Variants in POM121 observed in about 807,000 individuals in gnomAD.
POM121 encodes POM121 transmembrane nucleoporin, also known as nuclear envelope pore membrane protein POM 121.
Under a neutral mutation model 81.3 loss-of-function variants are expected in POM121, and 32 were observed. The observed-to-expected ratio is 0.39, with a 90% CI of 0.30 to 0.53. The LOEUF (loss-of-function observed/expected upper bound fraction) is 0.53. Ranked by LOEUF, POM121 falls within the 20% of genes least tolerant of loss-of-function variation. POM121 has a pLI of 0.66. For synonymous variants in POM121, 514 were observed against 694.2 expected, an observed-to-expected ratio of 0.74 and a Z score of 4.08; for missense variants, 1,138 against 1,614.6, an observed-to-expected ratio of 0.70 and a Z score of 5.06.
chr7:72,943,292 G>A lies in POM121; in HGVS notation c.3299G>A (p.Gly1100Glu). 1 of 1,609,044 alleles carries A rather than the reference G, an allele frequency of 6.2e-7. No individual in the cohort carries two copies. Among genetic ancestry groups the A allele is most frequent in the Non-Finnish European group, 8.5e-7 (1 of 1,178,164 alleles). Residue 1100 changes from glycine (G) to glutamate (E), a missense_variant, in exon 11 of 13, where the codon GGG (glycine) becomes GAG (glutamate). Coordinates refer to ENST00000434423, the MANE Select transcript of POM121 (RefSeq NM_001387691.1). ...ACAACACCATCACCCTTCACGTTTG[G>A]GGGTTCGGCAGCCCCCGCTGGCAGT... is the stretch of plus-strand genomic sequence containing the variant. The part of the protein sequence containing the change: ...GSTTPSPFTF[G>E]GSAAPAGSGS...
intron 3 of POM121, among the ~76,000 whole-genome samples, chr7:72,903,991 C>T (rs1199358206): frequency 3.9e-5 from 6 of 152,098 alleles, no homozygotes; most frequent in South Asian, 4.1e-4. Context: ...TTAGTAGAGA[C>T]GGGGGTTTCA....
At chr7:72,882,576 AAGG>A (rs1554489457) in intron 1 of POM121, among the ~76,000 whole-genome samples, 1 of 152,212 alleles carries the variant, frequency 6.6e-6, no homozygotes, top group Admixed American at 6.5e-5. Flanking sequence ...CCTGCTGCCC[AAGG>A]AGAACTTGGT....
chr7:72,945,170 G>A (rs1797546715), intron 11 of POM121, among the ~76,000 whole-genome samples: 3 of 152,168 alleles, frequency 2.0e-5, no homozygotes, highest in Admixed American at 1.3e-4. Context: ...AGGGGACCAC[G>A]GGGCATCACA....
chr7:72,888,033 A>AT (rs1372713725), intron 1 of POM121, among the ~76,000 whole-genome samples: 1 of 151,986 alleles, frequency 6.6e-6, no homozygotes, highest in African/African-American at 2.4e-5. Flanking sequence ...TAATATATAT[A>AT]TTTTTTTCTT....
intron 3 of POM121, among the ~76,000 whole-genome samples, chr7:72,904,943 G>A (rs1427834277): frequency 1.3e-5 from 2 of 152,164 alleles, no homozygotes; most frequent in African/African-American, 2.4e-5. Flanking sequence ...TCGCTATCAC[G>A]AGAACACCAT....
chr7:72,936,922 C>T (rs1488903490), intron 5 of POM121, among the ~76,000 whole-genome samples: 5 of 152,202 alleles, frequency 3.3e-5, no homozygotes, highest in Non-Finnish European at 5.9e-5. Context: ...GCTAGGATTA[C>T]AGGTGTGAGC....
In POM121 at chr7:72,942,125, C is replaced by A. The variant is rs567830323; in HGVS notation, c.2132C>A (p.Thr711Asn). The A allele has an allele frequency of 6.2e-7, 1 of 1,608,914 alleles. No individual in the cohort carries two copies. The highest frequency in any genetic ancestry group is 2.2e-5 in the East Asian group (1 of 44,736). The change falls in exon 11 of 13, where the codon ACC becomes AAC. Residue 711 changes from threonine (T) to asparagine (N), a missense_variant. Coordinates refer to ENST00000434423, the MANE Select transcript of POM121 (RefSeq NM_001387691.1). ...AGCTTCCTGTTTGGAACACAGAACA[C>A]CTCACCTTCCAGCCCTGCCGCCCCT... is the stretch of plus-strand genomic sequence containing the variant. ...KQSFLFGTQN[T>N]SPSSPAAPAA...
At chr7:72,903,787 T>G (rs1273353731) in intron 3 of POM121, among the ~76,000 whole-genome samples, 2 of 152,160 alleles carry the variant, frequency 1.3e-5, no homozygotes, top group Admixed American at 6.6e-5. Flanking sequence ...AACTTTTTAT[T>G]TATTTATTTT....
At position 72,925,632 on chromosome 7, in the gene POM121, G is replaced by GCGCCGCGTCCCCAC; in HGVS notation, c.518_519insTCCCCACCGCCGCG (p.Ser174ProfsTer57). ...TGGCCGCCGCCCACCTGCCCGCCCG[G>GCGCCGCGTCCCCAC]CGCCGCGCTCCCCACCGCCGCGCTC... On this transcript the variant is annotated frameshift_variant, in exon 1 of 13. Coordinates refer to ENST00000434423, the MANE Select transcript of POM121 (RefSeq NM_001387691.1). LOFTEE classifies it high-confidence loss of function. The GCGCCGCGTCCCCAC allele has an allele frequency of 7.9e-7, 1 of 1,261,492 alleles. No individual in the cohort carries two copies. Among genetic ancestry groups the GCGCCGCGTCCCCAC allele is most frequent in the Non-Finnish European group, 9.9e-7 (1 of 1,013,840 alleles). 78.1% of individuals were successfully genotyped at this position (1,261,492 alleles called of 1,614,324 possible).
In POM121 at chr7:72,938,725, G is replaced by A. The variant is rs373892711; in HGVS notation, c.1367+44G>A. On this transcript the variant is annotated intron_variant, in intron 6 of 12. Transcript: ENST00000434423. ...CAGTTTTCATTTGCTGCGTGGACAG[G>A]CGGGGGTGAGGAAAGGTGGGAAACG... 890 of 1,598,752 alleles carry A rather than the reference G, an allele frequency of 5.6e-4. 16 individuals carry two copies. The Admixed American group carries it at 0.011, about 20-fold the overall frequency.
chr7:72,884,722 C>T (rs1323347472), intron 1 of POM121, among the ~76,000 whole-genome samples: 2 of 149,368 alleles, frequency 1.3e-5, no homozygotes, highest in African/African-American at 4.9e-5. Flanking sequence ...CCACATTAAT[C>T]ATTTATATGC....
chr7:72,943,231 G>C lies in POM121; in HGVS notation c.3238G>C (p.Ala1080Pro). ...CGGCTTTGGAGCCACCACCCAGACC[G>C]CCAGCAGCGGGAGCAGCAGCTCGGT... is the stretch of plus-strand genomic sequence containing the variant. ...SSGFGATTQT[A>P]SSGSSSSVFG... The change falls in exon 11 of 13, where the codon GCC (alanine) becomes CCC (proline). Residue 1080 changes from alanine (A) to proline (P), a missense_variant. Ala to Pro is a conservative substitution (Grantham distance 27). Coordinates refer to ENST00000434423, the MANE Select transcript of POM121 (RefSeq NM_001387691.1). The C allele has an allele frequency of 6.2e-7, 1 of 1,612,628 alleles. No individual in the cohort carries two copies. Among genetic ancestry groups the C allele is most frequent in the Non-Finnish European group, 8.5e-7 (1 of 1,179,706 alleles).
rs782244621 is a variant in POM121, at chr7:72,938,698, T to C, written c.1367+17T>C. On this transcript the variant is annotated intron_variant, in intron 6 of 12. Transcript: ENST00000434423. ...GAAAATAAGGTACTTGGCATTCTCC[T>C]GCAGTTTTCATTTGCTGCGTGGACA... 1.9e-6 allele frequency: 3 copies of C among 1,611,292 alleles called. No individual in the cohort carries two copies. The African/African-American group carries it at 4.0e-5, about 22-fold the overall frequency.
At chr7:72,913,348 A>G (rs1181669953) in intron 3 of POM121, among the ~76,000 whole-genome samples, 1 of 152,210 alleles carries the variant, frequency 6.6e-6, no homozygotes, top group African/African-American at 2.4e-5. Context: ...TCAGCAGAGA[A>G]AGTCATGGGC....
intron 3 of POM121, among the ~76,000 whole-genome samples, chr7:72,896,909 A>G (rs1792018189): frequency 6.6e-6 from 1 of 152,296 alleles, no homozygotes; most frequent in Admixed American, 6.5e-5. Flanking sequence ...TTATTGCAGG[A>G]AAAGATGGAC....
chr7:72,896,527 C>T (rs1206837806), intron 3 of POM121, among the ~76,000 whole-genome samples: 1 of 138,482 alleles, frequency 7.2e-6, no homozygotes, highest in East Asian at 2.0e-4. Context: ...CATGGTGGCA[C>T]GCACCTGTAG....
intron 5 of POM121, among the ~76,000 whole-genome samples, chr7:72,934,117 C>A (rs545034086): frequency 6.6e-6 from 1 of 151,820 alleles, no homozygotes; most frequent in African/African-American, 2.4e-5. Context: ...CAGAGTCTCG[C>A]ACTGTCGCCC....
upstream of POM121, chr7:72,925,017 G>T: frequency 7.5e-7 from 1 of 1,328,642 alleles, no homozygotes; most frequent in Non-Finnish European, 9.6e-7. Context: ...GGGCGGTAGC[G>T]TCTCCCGGAG....
exon 1 of POM121, chr7:72,879,820 C>G (rs1205677550): frequency 7.9e-6 from 4 of 503,984 alleles, no homozygotes; most frequent in Non-Finnish European, 1.2e-5. Flanking sequence ...GACGCGCGCG[C>G]CAGCGACAGC....
Sources: allele counts gnomAD v4.1 joint callset (sites outside exome capture counted in the v4.1 genomes callset), GRCh38; gene constraint gnomAD v4.1.1; transcripts MANE v1.5; gene names NCBI Gene and HGNC (gene_info 2026-07-23, HGNC 2026-07-21).